SLC22A24: variants seen among roughly 807,000 people sequenced by gnomAD.
SLC22A24 encodes the protein steroid transmembrane transporter SLC22A24.
Under a neutral mutation model 49.8 loss-of-function variants are expected in SLC22A24, and 53 were observed. That is an observed-to-expected ratio of 1.06 (90% CI 0.85 to 1.34). The LOEUF (loss-of-function observed/expected upper bound fraction) is 1.34. SLC22A24 is among the 40% of genes most tolerant of loss of function. The probability of loss-of-function intolerance (pLI) is 0.00; values close to 1 mark genes in which losing one functional copy is unlikely to be tolerated. For synonymous variants in SLC22A24, 302 were observed against 256.4 expected, an observed-to-expected ratio of 1.18 and a Z score of -1.70; for missense variants, 786 against 675.9, an observed-to-expected ratio of 1.16 and a Z score of -1.81.
chr11:63,093,942 T>C (rs1002172994), intron 6 of SLC22A24, among the ~76,000 whole-genome samples: 3 of 151,662 alleles, frequency 2.0e-5, no homozygotes, highest in African/African-American at 7.3e-5. Context: ...ATAAGTCATA[T>C]TGGCAAAATA....
At chr11:63,083,577 G>A in intron 6 of SLC22A24, 120 bp from the exon 7 acceptor site, 1 of 765,850 alleles carries the variant, frequency 1.3e-6, no homozygotes, top group Non-Finnish European at 2.1e-6. Context: ...TTGGCAAATG[G>A]TGTTTTTCCT....
chr11:63,109,261 G>T (rs1477459086), intron 4 of SLC22A24, among the ~76,000 whole-genome samples: 1 of 146,534 alleles, frequency 6.8e-6, no homozygotes, highest in East Asian at 2.0e-4. Context: ...GGACATTTGG[G>T]TTGGTTCCAA....
intron 9 of SLC22A24, 31 bp downstream of exon 9, chr11:63,080,889 C>A (rs1180884566): frequency 6.5e-7 from 1 of 1,531,710 alleles, no homozygotes; most frequent in Admixed American, 2.0e-5. Flanking sequence ...AGCCACTCCC[C>A]ACTCAAGTGA....
In SLC22A24 at chr11:63,119,100, T is replaced by A. The variant is rs1398549924; in HGVS notation, c.662-20A>T. On this transcript the variant is annotated intron_variant, in intron 3 of 9. Coordinates refer to ENST00000612278, the MANE Select transcript of SLC22A24 (RefSeq NM_001136506.2). The stretch of plus-strand genomic sequence containing the variant: ...CTAAGCCTGGAAGAAAACATATACA[T>A]AGTAATAATTTTAGACAAATGGTAA... The A allele has an allele frequency of 1.3e-6, 2 of 1,533,330 alleles. No homozygotes were observed. Among genetic ancestry groups the A allele is most frequent in the African/African-American group, 2.8e-5 (2 of 72,390 alleles). 95.0% of individuals were successfully genotyped at this position (1,533,330 alleles called of 1,614,324 possible). A position where few individuals can be genotyped will look rare whatever the true frequency, so the allele number is the denominator to read the frequency against.
intron 5 of SLC22A24, among the ~76,000 whole-genome samples, chr11:63,100,179 A>G (rs1263545320): frequency 1.3e-5 from 2 of 152,174 alleles, no homozygotes; most frequent in Non-Finnish European, 2.9e-5. Context: ...GGGAAAGCCA[A>G]CACTCCACAA....
At chr11:63,099,371 A>ATTTTTTTTT (rs56708217) in intron 5 of SLC22A24, among the ~76,000 whole-genome samples, 3,653 of 52,346 alleles carry the variant, frequency 0.07, 568 homozygotes, top group Middle Eastern at 0.12. Flanking sequence ...AATTTTTAAG[A>ATTTTTTTTT]TTTTTTTTTT....
intron 5 of SLC22A24, among the ~76,000 whole-genome samples, chr11:63,101,147 T>C (rs756227501): frequency 5.3e-5 from 8 of 152,006 alleles, no homozygotes; most frequent in African/African-American, 7.2e-5. Flanking sequence ...TGCAAACTAC[T>C]CATCTGACAA....
At chr11:63,104,149 G>A in intron 5 of SLC22A24, 26 bp downstream of exon 5, 1 of 1,546,062 alleles carries the variant, frequency 6.5e-7, no homozygotes, top group Admixed American at 2.0e-5. Flanking sequence ...TTTAATCACA[G>A]CAATCATTTC....
At chr11:63,136,140 T>A (rs1939758) in intron 1 of SLC22A24, among the ~76,000 whole-genome samples, 1 of 152,024 alleles carries the variant, frequency 6.6e-6, no homozygotes, top group Non-Finnish European at 1.5e-5. Flanking sequence ...TCAATCAGAT[T>A]GTAATGTGTG....
At chr11:63,103,215 A>T (rs1000584601) in intron 5 of SLC22A24, among the ~76,000 whole-genome samples, 2 of 152,008 alleles carry the variant, frequency 1.3e-5, no homozygotes, top group African/African-American at 4.8e-5. Context: ...CTCTTTCAGG[A>T]CTGACATGTA....
At position 63,135,588 on chromosome 11, in the gene SLC22A24, T is replaced by C. The variant is rs546366421; in HGVS notation, c.403-820A>G. On this transcript the variant is annotated intron_variant, in intron 1 of 9. Transcript: ENST00000612278. ...ATTTGCCATTTGATATTGGAATACA[T>C]TCTTAAATAATGTGGTTATGTTATC... 3.4e-4 allele frequency among the ~76,000 whole-genome samples: 52 copies of C among 152,384 alleles called. No homozygotes were observed. The South Asian group carries it at 9.5e-3, about 28-fold the overall frequency.
intron 4 of SLC22A24, among the ~76,000 whole-genome samples, chr11:63,117,043 C>A (rs1431756257): frequency 1.3e-5 from 2 of 152,058 alleles, no homozygotes; most frequent in Non-Finnish European, 2.9e-5. Flanking sequence ...TTAGTTGATT[C>A]AAATCCTATG....
chr11:63,104,997 T>C (rs2087111608), intron 4 of SLC22A24, among the ~76,000 whole-genome samples: 1 of 152,076 alleles, frequency 6.6e-6, no homozygotes, highest in East Asian at 1.9e-4. Context: ...ACAATGGGGG[T>C]ATAGCAGTGG....
chr11:63,119,412 C>A, intron 2 of SLC22A24, 77 bp from the exon 3 acceptor site: 1 of 1,326,378 alleles, frequency 7.5e-7, no homozygotes, highest in Non-Finnish European at 1.0e-6. Context: ...AATGGCGCAT[C>A]TTGAAATTAG....
chr11:63,134,979 T>C (rs2087363516), intron 1 of SLC22A24, among the ~76,000 whole-genome samples: 1 of 152,206 alleles, frequency 6.6e-6, no homozygotes, highest in African/African-American at 2.4e-5. Flanking sequence ...CATCTGTCTC[T>C]CTCTCACCTC....
chr11:63,083,430 G>T lies in SLC22A24; in HGVS notation c.1098C>A (p.Gly366=). The T allele has an allele frequency of 1.3e-6, 2 of 1,551,292 alleles. No homozygotes were observed. Among genetic ancestry groups the T allele is most frequent in the South Asian group, 1.2e-5 (1 of 84,042 alleles). The change falls in exon 7 of 10, where the codon GGC becomes GGA. Residue 366 remains glycine (G), a synonymous_variant. Coordinates refer to ENST00000612278, the MANE Select transcript of SLC22A24 (RefSeq NM_001136506.2). ...CTAAGTGCTGCAAGTTGAGTATCAG[G>T]CCATAAAAGGGTACAGTGATTGCGA... ...VRFAITVPFY[G]LILNLQHLGS...
chr11:63,117,876 G>A (rs1032525931), intron 4 of SLC22A24, among the ~76,000 whole-genome samples: 6 of 152,164 alleles, frequency 3.9e-5, no homozygotes, highest in Non-Finnish European at 8.8e-5. Flanking sequence ...TGCATGGGGT[G>A]TTGGCGCCCC....
intron 1 of SLC22A24, among the ~76,000 whole-genome samples, chr11:63,136,646 T>A (rs1236186316): frequency 6.6e-6 from 1 of 152,200 alleles, no homozygotes; most frequent in Non-Finnish European, 1.5e-5. Flanking sequence ...TGATTGCAAT[T>A]CCCCTGTCTT....
At chr11:63,128,115 A>G (rs1000986759) in intron 2 of SLC22A24, among the ~76,000 whole-genome samples, 1 of 152,018 alleles carries the variant, frequency 6.6e-6, no homozygotes, top group Non-Finnish European at 1.5e-5. Context: ...ATTATTAATC[A>G]TTAGTTTGTA....
Sources: allele counts gnomAD v4.1 joint callset (sites outside exome capture counted in the v4.1 genomes callset), GRCh38; gene constraint gnomAD v4.1.1; transcripts MANE v1.5; gene names NCBI Gene and HGNC (gene_info 2026-07-23, HGNC 2026-07-21).